Variants in PTPRJ observed in about 807,000 individuals in gnomAD.
The protein encoded by PTPRJ is receptor-type tyrosine-protein phosphatase eta.
PTPRJ carries 129 observed loss-of-function variants against 141.3 expected under a neutral mutation model. The ratio of observed to expected loss-of-function variants is 0.91; its 90% CI spans 0.79 to 1.06. The LOEUF (loss-of-function observed/expected upper bound fraction) is 1.06. PTPRJ is among the 50% of genes least tolerant of loss of function. The pLI, the probability that PTPRJ is intolerant of heterozygous loss-of-function variation, is 0.00. For synonymous variants in PTPRJ, 610 were observed against 640.5 expected, an observed-to-expected ratio of 0.95 and a Z score of 0.72; for missense variants, 1,601 against 1,679.7, an observed-to-expected ratio of 0.95 and a Z score of 0.82.
intron 1 of PTPRJ, among the ~76,000 whole-genome samples, chr11:47,986,375 T>C (rs560032720): frequency 1.1e-4 from 17 of 152,326 alleles, no homozygotes; most frequent in Admixed American, 9.2e-4. Flanking sequence ...TAACACTTCC[T>C]GCTTCACTGG....
chr11:48,148,695 A>G (rs905596287), intron 15 of PTPRJ, among the ~76,000 whole-genome samples: 3 of 152,034 alleles, frequency 2.0e-5, no homozygotes, highest in African/African-American at 7.2e-5. Context: ...TCGGCCTCTT[A>G]AAGTGCTGGG....
intron 1 of PTPRJ, among the ~76,000 whole-genome samples, chr11:47,985,552 C>T (rs1854027624): frequency 6.6e-6 from 1 of 152,174 alleles, no homozygotes; most frequent in South Asian, 2.1e-4. Flanking sequence ...ACTATAGATT[C>T]ATTAACTACT....
chr11:47,982,372 A>G (rs72899720), intron 1 of PTPRJ, among the ~76,000 whole-genome samples: 4,526 of 152,284 alleles, frequency 0.03, 210 homozygotes, highest in African/African-American at 0.097. Context: ...CCTCTGCCCA[A>G]TGGAATTGTT....
At chr11:47,981,837 A>G (rs1037211534) in intron 1 of PTPRJ, among the ~76,000 whole-genome samples, 4 of 152,158 alleles carry the variant, frequency 2.6e-5, no homozygotes, top group African/African-American at 9.7e-5. Flanking sequence ...GAGAGAAGTG[A>G]AATAGCGGAG....
At chr11:48,063,745 A>G (rs1278668794) in intron 1 of PTPRJ, among the ~76,000 whole-genome samples, 6 of 152,222 alleles carry the variant, frequency 3.9e-5, no homozygotes, top group African/African-American at 1.4e-4. Context: ...GCTTTGTGAA[A>G]TCATGAGCTA....
intron 1 of PTPRJ, among the ~76,000 whole-genome samples, chr11:48,103,948 G>C (rs1856223207): frequency 6.6e-6 from 1 of 152,192 alleles, no homozygotes; most frequent in Non-Finnish European, 1.5e-5. Flanking sequence ...TTTGCAGGGT[G>C]GTTGGTTCTC....
In PTPRJ at chr11:48,094,482, G is replaced by A. The variant is rs2134303511; in HGVS notation, c.97-15576G>A. 2.0e-5 allele frequency among the ~76,000 whole-genome samples: 3 copies of A among 152,222 alleles called. No homozygotes were observed. The South Asian group carries it at 6.2e-4, about 32-fold the overall frequency. On this transcript the variant is annotated intron_variant, in intron 1 of 24. Transcript: ENST00000418331. ...GTTTGTCTGATGTCAAGCCTGTGGG[G>A]AATTTGAACCTTGCACTCTTTCCTG...
chr11:48,155,738 T>C, intron 19 of PTPRJ, 63 bp from the exon 20 acceptor site: 1 of 1,390,144 alleles, frequency 7.2e-7, no homozygotes, highest in Non-Finnish European at 9.9e-7. Context: ...TTTTTCTGTT[T>C]TGTGTCCAAC....
rs71045551 is a variant in PTPRJ at position 48,168,534 on chromosome 11, G to GTATATATATA, written c.*1211_*1220dup. ...CGTGACACATATCGGAATCTACTGT[G>GTATATATATA]TATATATATATATATATATATATAT... On this transcript the variant is annotated 3_prime_UTR_variant, in exon 25 of 25. Transcript: ENST00000418331. 14 of 44,068 alleles carry GTATATATATA rather than the reference G, an allele frequency of 3.2e-4. No homozygotes were observed. The highest frequency in any genetic ancestry group is 8.2e-4 in the South Asian group (1 of 1,216). The allele number at this position is 44,068 out of a possible 1,614,324, so 2.7% of individuals were successfully genotyped here. A position where few individuals can be genotyped will look rare whatever the true frequency, so the allele number is the denominator to read the frequency against.
In PTPRJ at chr11:48,150,078, T is replaced by C. The variant is rs1219859417; in HGVS notation, c.3051-18T>C. 1 of 1,602,736 alleles carries C rather than the reference T, an allele frequency of 6.2e-7. No homozygotes were observed. Among genetic ancestry groups the C allele is most frequent in the Non-Finnish European group, 8.5e-7 (1 of 1,171,032 alleles). On this transcript the variant is annotated intron_variant, in intron 17 of 24. Coordinates refer to ENST00000418331, the MANE Select transcript of PTPRJ (RefSeq NM_002843.4). Reference sequence around the variant, plus strand: ...CTTCACTGAATGTAAAAAATCCTGATAAGTTTTGTTTTCTTAGATCTAAGT... The same window carrying C: ...CTTCACTGAATGTAAAAAATCCTGACAAGTTTTGTTTTCTTAGATCTAAGT...
intron 1 of PTPRJ, among the ~76,000 whole-genome samples, chr11:48,051,662 A>C (rs1034964590): frequency 1.3e-5 from 2 of 151,984 alleles, no homozygotes; most frequent in Admixed American, 6.6e-5. Context: ...GGCTTCCTTT[A>C]CTCTTCACAT....
intron 1 of PTPRJ, among the ~76,000 whole-genome samples, chr11:48,028,603 C>T (rs555292589): frequency 1.3e-5 from 2 of 152,270 alleles, no homozygotes; most frequent in South Asian, 2.1e-4. Flanking sequence ...CCAGCCTGGC[C>T]AACGTGGTGA....
intron 1 of PTPRJ, among the ~76,000 whole-genome samples, chr11:48,071,130 G>T (rs1855235230): frequency 6.6e-6 from 1 of 152,142 alleles, no homozygotes; most frequent in South Asian, 2.1e-4. Context: ...GTGAAAAGAA[G>T]GGTTAGATAC....
intron 1 of PTPRJ, among the ~76,000 whole-genome samples, chr11:48,053,258 T>A (rs1411990055): frequency 1.2e-5 from 1 of 81,932 alleles, no homozygotes; most frequent in Non-Finnish European, 2.0e-5. Flanking sequence ...ATAATATATA[T>A]AATATATTAT....
chr11:48,083,126 A>G (rs1855609420), intron 1 of PTPRJ, among the ~76,000 whole-genome samples: 2 of 152,156 alleles, frequency 1.3e-5, no homozygotes, highest in African/African-American at 4.8e-5. Flanking sequence ...GCATTTTGGT[A>G]TTAAGTTGTT....
intron 1 of PTPRJ, among the ~76,000 whole-genome samples, chr11:48,007,342 G>A (rs1008820733): frequency 6.6e-6 from 1 of 151,090 alleles, no homozygotes; most frequent in African/African-American, 2.4e-5. Flanking sequence ...ATCTCCTGAC[G>A]TCGTGATCCG....
chr11:48,049,495 C>A (rs555348722), intron 1 of PTPRJ, among the ~76,000 whole-genome samples: 1 of 150,902 alleles, frequency 6.6e-6, no homozygotes, highest in Non-Finnish European at 1.5e-5. Flanking sequence ...CTGGCCAATG[C>A]GGTGAAACCC....
intron 1 of PTPRJ, among the ~76,000 whole-genome samples, chr11:48,100,281 G>C (rs1026087297): frequency 6.6e-6 from 1 of 152,176 alleles, no homozygotes; most frequent in Non-Finnish European, 1.5e-5. Flanking sequence ...AGGCTTCTGT[G>C]TTGCAGAGAT....
At position 48,167,190 on chromosome 11, in the gene PTPRJ, C is replaced by A; in HGVS notation, c.3856-14C>A. ...ATGTTCATTTTCTGTCTCTCTCTTTCGTTTTTCTATCAGGACCAGTATGTT... is the reference window on the plus strand; with the variant it reads ...ATGTTCATTTTCTGTCTCTCTCTTTAGTTTTTCTATCAGGACCAGTATGTT... On this transcript the variant is annotated splice_polypyrimidine_tract_variant and intron_variant, in intron 24 of 24. Transcript: ENST00000418331. 1 of 1,598,086 alleles carries A rather than the reference C, an allele frequency of 6.3e-7. No homozygotes were observed. Among genetic ancestry groups the A allele is most frequent in the Non-Finnish European group, 8.5e-7 (1 of 1,170,480 alleles).
Sources: allele counts gnomAD v4.1 joint callset (sites outside exome capture counted in the v4.1 genomes callset), GRCh38; gene constraint gnomAD v4.1.1; transcripts MANE v1.5; gene names NCBI Gene and HGNC (gene_info 2026-07-23, HGNC 2026-07-21).